Variants in CALD1 observed in about 807,000 individuals in gnomAD.
CALD1 encodes the protein caldesmon 1, also known as caldesmon.
In CALD1, 33 loss-of-function variants were observed where a neutral mutation model predicts 99.9. The observed-to-expected ratio is 0.33, with a 90% confidence interval of 0.25 to 0.44. CALD1 has a LOEUF of 0.44. CALD1 is among the 20% of genes least tolerant of loss of function. The pLI is 1.00. For missense variants in CALD1, 861 were observed against 962.1 expected, an observed-to-expected ratio of 0.89 and a Z score of 1.39; for synonymous variants, 310 against 325.0, an observed-to-expected ratio of 0.95 and a Z score of 0.50.
At chr7:134,904,448 G>A (rs1803224640) in intron 3 of CALD1, among the ~76,000 whole-genome samples, 1 of 151,958 alleles carries the variant, frequency 6.6e-6, no homozygotes, top group African/African-American at 2.4e-5. Context: ...GGGCATGGTG[G>A]CACACACCTG....
intron 2 of CALD1, among the ~76,000 whole-genome samples, chr7:134,852,809 G>C (rs887372342): frequency 6.6e-6 from 1 of 152,146 alleles, no homozygotes; most frequent in Non-Finnish European, 1.5e-5. Flanking sequence ...AACTTAAAAA[G>C]CAGCAAGAGA....
intron 11 of CALD1, among the ~76,000 whole-genome samples, chr7:134,958,887 A>ATATATTTAAC (rs1554479108): frequency 7.3e-5 from 7 of 96,236 alleles, no homozygotes; most frequent in Non-Finnish European, 8.6e-5. Context: ...ATATATATAT[A>ATATATTTAAC]TATATATATA....
chr7:134,836,173 T>C (rs186557805), intron 1 of CALD1, among the ~76,000 whole-genome samples: 33 of 145,256 alleles, frequency 2.3e-4, no homozygotes, highest in Admixed American at 4.8e-4. Flanking sequence ...AAAAGATAAA[T>C]GATATGACTC....
chr7:134,968,515 T>C lies in CALD1; in HGVS notation c.*170T>C, dbSNP rs1808839215. 1 of 724,910 alleles carries C rather than the reference T, an allele frequency of 1.4e-6. No homozygotes were observed. Among genetic ancestry groups the C allele is most frequent in the Non-Finnish European group, 2.5e-6 (1 of 394,978 alleles). 44.9% of individuals were successfully genotyped at this position (724,910 alleles called of 1,614,324 possible). The stretch of plus-strand genomic sequence containing the variant: ...TTATCACTATATTTAATAATCACAG[T>C]CTAGAGATGTTCATGGTAAAAGTAC... On this transcript the variant is annotated 3_prime_UTR_variant, in exon 15 of 15. Coordinates refer to ENST00000361675, the MANE Select transcript of CALD1 (RefSeq NM_033138.4).
At chr7:134,787,566 A>G (rs865909505) in intron 1 of CALD1, among the ~76,000 whole-genome samples, 1 of 152,160 alleles carries the variant, frequency 6.6e-6, no homozygotes, top group African/African-American at 2.4e-5. Flanking sequence ...GGCAGGAGTC[A>G]TCACAGCCCC....
intron 1 of CALD1, among the ~76,000 whole-genome samples, chr7:134,800,704 T>A (rs997824376): frequency 1.3e-5 from 2 of 152,060 alleles, no homozygotes; most frequent in Admixed American, 6.5e-5. Context: ...TCCATTATAT[T>A]TGTTATTATG....
upstream of CALD1, among the ~76,000 whole-genome samples, chr7:134,742,311 G>A (rs1019245196): frequency 6.6e-6 from 1 of 152,182 alleles, no homozygotes; most frequent in South Asian, 2.1e-4. Context: ...TAACAGTAAC[G>A]ATGAAAATGG....
rs572866263 is a variant in CALD1, at chr7:134,894,263, C to T, written c.71+26459C>T. Among the ~76,000 whole-genome samples, 42 of 152,224 alleles carry T rather than the reference C, an allele frequency of 2.8e-4. No homozygotes were observed. In the South Asian group the frequency reaches 5.8e-3, roughly 21 times the overall value. ...ACTTTTCCGTTTGTCTAAATGCGTT[C>T]GGGGTACCAAAATTTAATTTCCTTT... On this transcript the variant is annotated intron_variant, in intron 3 of 14. Coordinates refer to ENST00000361675, the MANE Select transcript of CALD1 (RefSeq NM_033138.4).
At chr7:134,786,970 C>T (rs957586484) in intron 1 of CALD1, among the ~76,000 whole-genome samples, 1 of 152,128 alleles carries the variant, frequency 6.6e-6, no homozygotes, top group African/African-American at 2.4e-5. Flanking sequence ...AGAAGGGGGT[C>T]CAGGCATCTG....
chr7:134,711,732 C>CTG, the CALD1 span, among the ~76,000 whole-genome samples: 3 of 145,268 alleles, frequency 2.1e-5, no homozygotes, highest in Non-Finnish European at 3.0e-5. Flanking sequence ...GTGTGTCTCT[C>CTG]TCTCTGTCTC....
intron 3 of CALD1, among the ~76,000 whole-genome samples, chr7:134,889,315 C>T (rs1467800801): frequency 6.6e-6 from 1 of 152,154 alleles, no homozygotes; most frequent in Admixed American, 6.5e-5. Flanking sequence ...CTTGGACCCC[C>T]TCTCCATCTT....
At chr7:134,825,151 G>A (rs1005855546) in intron 1 of CALD1, among the ~76,000 whole-genome samples, 2 of 152,010 alleles carry the variant, frequency 1.3e-5, no homozygotes, top group East Asian at 3.9e-4. Flanking sequence ...TCACTTCAAA[G>A]CTTTAAGATT....
chr7:134,782,912 T>G (rs1281702664), intron 1 of CALD1, among the ~76,000 whole-genome samples: 7 of 152,208 alleles, frequency 4.6e-5, no homozygotes, highest in Admixed American at 2.6e-4. Context: ...CAATGTTGTC[T>G]GAATTTTTAC....
At chr7:134,964,588 A>G (rs1808528301) in intron 13 of CALD1, among the ~76,000 whole-genome samples, 1 of 152,166 alleles carries the variant, frequency 6.6e-6, no homozygotes, top group Non-Finnish European at 1.5e-5. Flanking sequence ...ACCCAGAGAA[A>G]GTCCCTAGGC....
At chr7:134,953,374 C>T (rs913377548) in intron 9 of CALD1, among the ~76,000 whole-genome samples, 1 of 151,986 alleles carries the variant, frequency 6.6e-6, no homozygotes, top group African/African-American at 2.4e-5. Flanking sequence ...TACTCAGGAG[C>T]CTGAGACAGG....
intron 1 of CALD1, among the ~76,000 whole-genome samples, chr7:134,819,472 T>A (rs1432157421): frequency 6.6e-6 from 1 of 152,240 alleles, no homozygotes; most frequent in African/African-American, 2.4e-5. Flanking sequence ...TACAATTGCA[T>A]GCTTTTTGCT....
intron 3 of CALD1, among the ~76,000 whole-genome samples, chr7:134,882,282 C>T (rs1384144987): frequency 6.6e-6 from 1 of 152,198 alleles, no homozygotes; most frequent in Non-Finnish European, 1.5e-5. Context: ...GCTGAGCCTT[C>T]AAGCCATTGC....
the CALD1 span, among the ~76,000 whole-genome samples, chr7:134,725,213 T>C: frequency 1.3e-5 from 2 of 152,156 alleles, no homozygotes; most frequent in African/African-American, 2.4e-5. Flanking sequence ...ATTCAAGGCC[T>C]CAAAGTAAGC....
intron 1 of CALD1, among the ~76,000 whole-genome samples, chr7:134,752,470 A>G (rs983759287): frequency 6.6e-6 from 1 of 152,222 alleles, no homozygotes; most frequent in African/African-American, 2.4e-5. Flanking sequence ...GTGAAACTAT[A>G]TATTATACAG....
Sources: gnomAD v4.1 joint callset for allele counts (sites outside exome capture counted in the v4.1 genomes callset) on GRCh38, gnomAD v4.1.1 for gene constraint, MANE v1.5 for transcripts, NCBI Gene and HGNC (gene_info 2026-07-23, HGNC 2026-07-21) for gene names.